BRAF: variants seen among roughly 807,000 people sequenced by gnomAD.
The protein encoded by BRAF is serine/threonine-protein kinase B-raf.
In BRAF, 16 loss-of-function variants were observed where a neutral mutation model predicts 104.6. That is an observed-to-expected ratio of 0.15 (90% CI 0.10 to 0.23). The LOEUF is 0.23. BRAF is among the 10% of genes least tolerant of loss of function. The pLI, the probability that BRAF is intolerant of heterozygous loss-of-function variation, is 1.00. For missense variants in BRAF, 541 were observed against 937.3 expected (o/e 0.58, Z 5.52); for synonymous variants, 310 against 341.6 (o/e 0.91, Z 1.02).
chr7:140,745,377 C>A (rs1473807168), intron 17 of BRAF, among the ~76,000 whole-genome samples: 1 of 152,104 alleles, frequency 6.6e-6, no homozygotes, highest in Non-Finnish European at 1.5e-5. Context: ...TTTTATACAT[C>A]CCACAGAATT....
At chr7:140,735,455 G>A (rs1313774554) in intron 18 of BRAF, among the ~76,000 whole-genome samples, 1 of 152,202 alleles carries the variant, frequency 6.6e-6, no homozygotes, top group African/African-American at 2.4e-5. Flanking sequence ...TCATAATCAT[G>A]AAACATGTTT....
chr7:140,794,389 A>G lies in BRAF; in HGVS notation c.1059T>C (p.His353=), dbSNP rs1387050235. The change falls in exon 8 of 20, where the codon CAT becomes CAC. Residue 353 remains histidine, a synonymous_variant. Coordinates refer to ENST00000644969, the MANE Select transcript of BRAF (RefSeq NM_001374258.1). The part of the protein sequence containing the change: ...PQPFRPADED[H]RNQFGQRDRS... Reference sequence around the variant, plus strand: ...GGTCTCGTTGCCCAAATTGATTTCGATGATCTTCATCTGCTGGTCGGAAGG... The same window carrying G: ...GGTCTCGTTGCCCAAATTGATTTCGGTGATCTTCATCTGCTGGTCGGAAGG... 8 of 1,614,016 alleles carry G rather than the reference A, an allele frequency of 5.0e-6. No homozygotes were observed. The highest frequency in any genetic ancestry group is 5.9e-6 in the Non-Finnish European group (7 of 1,179,992).
intron 8 of BRAF, 146 bp from the exon 9 acceptor site, chr7:140,787,730 A>C (rs1160659651): frequency 1.4e-6 from 1 of 712,868 alleles, no homozygotes; most frequent in Non-Finnish European, 2.3e-6. Flanking sequence ...AACAATTTGG[A>C]ATTATCTAGT....
At chr7:140,797,212 G>A (rs1037552848) in intron 7 of BRAF, among the ~76,000 whole-genome samples, 5 of 152,104 alleles carry the variant, frequency 3.3e-5, no homozygotes, top group Non-Finnish European at 7.4e-5. Flanking sequence ...AGTTAGTTTA[G>A]ATCTCATTCT....
intron 1 of BRAF, among the ~76,000 whole-genome samples, chr7:140,854,574 T>C (rs1037592633): frequency 6.6e-6 from 1 of 151,474 alleles, no homozygotes; most frequent in Non-Finnish European, 1.5e-5. Flanking sequence ...AGAGAGAAAG[T>C]GGGGGAAAAT....
Position 140,721,819 on chromosome 7 carries a change from T to A in BRAF, c.*4675A>T. 1 of 1,396,434 alleles carries A rather than the reference T, an allele frequency of 7.2e-7. No homozygotes were observed. Among genetic ancestry groups the A allele is most frequent in the East Asian group, 2.8e-5 (1 of 35,770 alleles). The allele number at this position is 1,396,434 out of a possible 1,614,324, so 86.5% of individuals were successfully genotyped here. Reference sequence around the variant, plus strand: ...CATCCAATGGCCAGGTCATAAAGGATGCCTTGAGACCTCCACCCTGGCCCC... The same window carrying A: ...CATCCAATGGCCAGGTCATAAAGGAAGCCTTGAGACCTCCACCCTGGCCCC... On this transcript the variant is annotated 3_prime_UTR_variant, in exon 20 of 20. Coordinates refer to ENST00000644969, the MANE Select transcript of BRAF (RefSeq NM_001374258.1).
At chr7:140,809,032 G>A (rs1234535305) in intron 3 of BRAF, 37 bp from the exon 4 acceptor site, 2 of 1,522,158 alleles carry the variant, frequency 1.3e-6, no homozygotes, top group East Asian at 2.3e-5. Flanking sequence ...GAGGTAAAGG[G>A]AGCAAATTAC....
Position 140,721,827 on chromosome 7 carries a change from G to C in BRAF, c.*4667C>G. On this transcript the variant is annotated 3_prime_UTR_variant, in exon 20 of 20. Transcript: ENST00000644969. ...GGCCAGGTCATAAAGGATGCCTTGAGACCTCCACCCTGGCCCCCACAGCGC... is the reference window on the plus strand; with the variant it reads ...GGCCAGGTCATAAAGGATGCCTTGACACCTCCACCCTGGCCCCCACAGCGC... The C allele has an allele frequency of 7.3e-7, 1 of 1,377,264 alleles. No individual in the cohort carries two copies. The highest frequency in any genetic ancestry group is 9.4e-7 in the Non-Finnish European group (1 of 1,067,440). 85.3% of individuals were successfully genotyped at this position (1,377,264 alleles called of 1,614,324 possible).
At chr7:140,856,507 C>T (rs77207598) in intron 1 of BRAF, among the ~76,000 whole-genome samples, 16,672 of 152,040 alleles carry the variant, frequency 0.11, 1,037 homozygotes, top group African/African-American at 0.15. Flanking sequence ...AACAGCAAGC[C>T]TAAAGACAAC....
At chr7:140,783,329 T>A in intron 10 of BRAF, 172 bp from the exon 10 acceptor site, 1 of 713,968 alleles carries the variant, frequency 1.4e-6, no homozygotes, top group Non-Finnish European at 2.2e-6. Context: ...TGATTACAAC[T>A]ATAATTTCTT....
intron 1 of BRAF, among the ~76,000 whole-genome samples, chr7:140,923,128 A>G (rs544617382): frequency 8.5e-5 from 13 of 152,306 alleles, no homozygotes; most frequent in African/African-American, 3.1e-4. Flanking sequence ...GAAAACAAAC[A>G]TTATCATAAA....
intron 1 of BRAF, among the ~76,000 whole-genome samples, chr7:140,874,918 T>G (rs992088067): frequency 6.6e-6 from 1 of 152,160 alleles, no homozygotes; most frequent in African/African-American, 2.4e-5. Context: ...TTTAAAAGTA[T>G]GTGGCACCCT....
intron 3 of BRAF, among the ~76,000 whole-genome samples, chr7:140,821,540 G>A (rs935232856): frequency 6.6e-6 from 1 of 151,646 alleles, no homozygotes; most frequent in Non-Finnish European, 1.5e-5. Flanking sequence ...CTGACCTCAA[G>A]TGATCCTCCC....
At position 140,822,267 on chromosome 7, in the gene BRAF, A is replaced by G. The variant is rs1411151923; in HGVS notation, c.504+12342T>C. 2.6e-5 allele frequency: 4 copies of G among 152,350 alleles called. No individual in the cohort carries two copies. In the East Asian group the frequency reaches 7.7e-4, roughly 29 times the overall value. 9.4% of individuals were successfully genotyped at this position (152,350 alleles called of 1,614,324 possible). A position where few individuals can be genotyped will look rare whatever the true frequency, so the allele number is the denominator to read the frequency against. On this transcript the variant is annotated intron_variant, in intron 3 of 19. Coordinates refer to ENST00000644969, the MANE Select transcript of BRAF (RefSeq NM_001374258.1). ...TCTTAAAGGCTATTAAAAAACAAAC[A>G]AACAGATTTATCTAGGTACAACTGA... is the stretch of plus-strand genomic sequence containing the variant.
At position 140,868,235 on chromosome 7, in the gene BRAF, G is replaced by A. The variant is rs1042093063; in HGVS notation, c.139-18023C>T. Among the ~76,000 whole-genome samples the A allele has an allele frequency of 1.8e-4, 28 of 152,112 alleles. 1 individual carries two copies. Among genetic ancestry groups the A allele is most frequent in the Admixed American group, 6.6e-4 (10 of 15,240 alleles). On this transcript the variant is annotated intron_variant, in intron 1 of 19. Coordinates refer to ENST00000644969, the MANE Select transcript of BRAF (RefSeq NM_001374258.1). ...GTACAAAAGAAAATTAATACGTTCTGTTAGGGAAACAGTAGTCCACAGCAG... is the reference window on the plus strand; with the variant it reads ...GTACAAAAGAAAATTAATACGTTCTATTAGGGAAACAGTAGTCCACAGCAG...
intron 5 of BRAF, among the ~76,000 whole-genome samples, chr7:140,807,072 T>C (rs372218719): frequency 2.0e-5 from 3 of 152,298 alleles, no homozygotes; most frequent in African/African-American, 7.2e-5. Context: ...TTTTAGGGGA[T>C]AAGTTCTCAA....
At chr7:140,814,747 A>T (rs1305833187) in intron 3 of BRAF, among the ~76,000 whole-genome samples, 3 of 124,204 alleles carry the variant, frequency 2.4e-5, no homozygotes, top group South Asian at 2.2e-4. Flanking sequence ...ATTTATATAC[A>T]ATATATAACA....
chr7:140,809,102 T>C lies in BRAF; in HGVS notation c.505-107A>G, dbSNP rs904893732. 8.8e-6 allele frequency: 7 copies of C among 797,254 alleles called. No homozygotes were observed. In the African/African-American group the frequency reaches 1.2e-4, roughly 14 times the overall value. The allele number at this position is 797,254 out of a possible 1,614,324, so 49.4% of individuals were successfully genotyped here. On this transcript the variant is annotated intron_variant, in intron 3 of 19. Coordinates refer to ENST00000644969, the MANE Select transcript of BRAF (RefSeq NM_001374258.1). ...ATCTTTAAAAAGTCAAATGGGTTAC[T>C]AGGTCAGATACAACACCATTTCTAC...
Position 140,722,365 on chromosome 7 carries a change from T to C in BRAF, c.*4129A>G, listed in dbSNP as rs1795363942. Reference sequence around the variant, plus strand: ...TTAACACAGCTGAGTTAAACCAGAGTGGCTGCTCTCTTCACAAATCACTGA... The same window carrying C: ...TTAACACAGCTGAGTTAAACCAGAGCGGCTGCTCTCTTCACAAATCACTGA... On this transcript the variant is annotated 3_prime_UTR_variant, in exon 20 of 20. Coordinates refer to ENST00000644969, the MANE Select transcript of BRAF (RefSeq NM_001374258.1). 2 of 1,054,784 alleles carry C rather than the reference T, an allele frequency of 1.9e-6. No homozygotes were observed. Among genetic ancestry groups the C allele is most frequent in the African/African-American group, 1.7e-5 (1 of 60,556 alleles). The allele number at this position is 1,054,784 out of a possible 1,614,324, so 65.3% of individuals were successfully genotyped here.
Sources: allele counts gnomAD v4.1 joint callset (sites outside exome capture counted in the v4.1 genomes callset), GRCh38; gene constraint gnomAD v4.1.1; transcripts MANE v1.5; gene names NCBI Gene and HGNC (gene_info 2026-07-23, HGNC 2026-07-21).